TRAP1: variants seen among roughly 807,000 people sequenced by gnomAD.
TRAP1 encodes the protein heat shock protein 75 kDa, mitochondrial.
Under a neutral mutation model 89.1 loss-of-function variants are expected in TRAP1, and 102 were observed. That is an observed-to-expected ratio of 1.15 (90% CI 0.98 to 1.35). The LOEUF (loss-of-function observed/expected upper bound fraction) is 1.35, where lower values mean the gene tolerates loss of function less well. TRAP1 is among the 40% of genes most tolerant of loss of function. The pLI is 0.00. For synonymous variants in TRAP1, 508 were observed against 388.0 expected (o/e 1.31, Z -3.64); for missense variants, 1,256 against 945.3 (o/e 1.33, Z -4.31).
At position 3,714,095 on chromosome 16, in the gene TRAP1, G is replaced by T. The variant is rs555149355; in HGVS notation, c.88+3326C>A. On this transcript the variant is annotated intron_variant, in intron 1 of 17. Transcript: ENST00000246957. The stretch of plus-strand genomic sequence containing the variant: ...GGAACGTTCCTCCCTCCCCTCCAGT[G>T]AAAACAGCCTTGGACACTCGGCCCA... Among the ~76,000 whole-genome samples, 51 of 152,232 alleles carry T rather than the reference G, an allele frequency of 3.4e-4. 1 individual carries two copies. The highest frequency in any genetic ancestry group is 1.1e-3 in the African/African-American group (44 of 41,530).
intron 1 of TRAP1, among the ~76,000 whole-genome samples, chr16:3,716,132 C>T (rs1001990403): frequency 5.3e-5 from 8 of 152,184 alleles, no homozygotes; most frequent in Admixed American, 2.0e-4. Context: ...GGATTACAGG[C>T]GTGAGCCACC....
chr16:3,708,885 G>C (rs956482240), intron 1 of TRAP1, among the ~76,000 whole-genome samples: 1 of 148,748 alleles, frequency 6.7e-6, no homozygotes, highest in East Asian at 2.1e-4. Context: ...GTGCGATCGC[G>C]GCTCACTGCA....
At chr16:3,706,456 CT>C (rs34658116) in intron 1 of TRAP1, among the ~76,000 whole-genome samples, 6,120 of 98,928 alleles carry the variant, frequency 0.062, 131 homozygotes, top group Middle Eastern at 0.12. Context: ...TATTTGCACT[CT>C]TTTTTTTTTT....
intron 1 of TRAP1, among the ~76,000 whole-genome samples, chr16:3,700,965 A>G (rs1166186000): frequency 6.6e-6 from 1 of 152,196 alleles, no homozygotes; most frequent in Non-Finnish European, 1.5e-5. Context: ...CCACATCGAT[A>G]TTTACTCTTA....
chr16:3,680,715 G>A (rs1322553466), intron 4 of TRAP1, among the ~76,000 whole-genome samples: 1 of 152,232 alleles, frequency 6.6e-6, no homozygotes, highest in Admixed American at 6.5e-5. Context: ...GATGGCACTG[G>A]GAGGGGGGCC....
intron 13 of TRAP1, 85 bp from the exon 14 acceptor site, chr16:3,663,647 G>C: frequency 1.3e-6 from 2 of 1,569,894 alleles, no homozygotes; most frequent in Non-Finnish European, 8.6e-7. Flanking sequence ...AGGAGGGCTG[G>C]GGGAGCCAAG....
rs760456963 is a variant in TRAP1, at chr16:3,666,122, C to T, written c.1236-4G>A. The T allele has an allele frequency of 1.2e-6, 2 of 1,608,994 alleles. No individual in the cohort carries two copies. The highest frequency in any genetic ancestry group is 4.5e-5 in the East Asian group (2 of 44,782). ...CTGTAAAACGTCCCGGAGTTTCCTA[C>T]AGAAAAGAAATGCATTTAATACATA... On this transcript the variant is annotated splice_region_variant and splice_polypyrimidine_tract_variant and intron_variant, in intron 11 of 17. Coordinates refer to ENST00000246957, the MANE Select transcript of TRAP1 (RefSeq NM_016292.3).
chr16:3,666,262 C>G, intron 11 of TRAP1, 144 bp from the exon 12 acceptor site: 1 of 1,113,426 alleles, frequency 9.0e-7, no homozygotes, highest in East Asian at 2.7e-5. Flanking sequence ...CTGAAAAAGA[C>G]TGAGCAGAAA....
Position 3,683,104 on chromosome 16 carries a change from G to C in TRAP1, c.471+2892C>G, listed in dbSNP as rs527467508. On this transcript the variant is annotated intron_variant, in intron 4 of 17. Transcript: ENST00000246957. ...GAATTGCTTGAACCCGGGAGGCGGAGGTTGCAGTGAGCTGAAATCACACCA... is the reference window on the plus strand; with the variant it reads ...GAATTGCTTGAACCCGGGAGGCGGACGTTGCAGTGAGCTGAAATCACACCA... 3.9e-5 allele frequency among the ~76,000 whole-genome samples: 6 copies of C among 151,998 alleles called. No homozygotes were observed. In the South Asian group the frequency reaches 1.0e-3, roughly 26 times the overall value.
intron 1 of TRAP1, among the ~76,000 whole-genome samples, chr16:3,706,712 TG>T (rs1567245819): frequency 6.6e-6 from 1 of 152,064 alleles, no homozygotes; most frequent in Non-Finnish European, 1.5e-5. Context: ...CCTCCTGCCT[TG>T]GCCTCCTGAA....
intron 11 of TRAP1, 85 bp downstream of exon 11, chr16:3,671,637 G>A: frequency 6.8e-7 from 1 of 1,460,336 alleles, no homozygotes; most frequent in Middle Eastern, 1.9e-4. Context: ...AGCTCCATGG[G>A]CCACGGCTAG....
intron 16 of TRAP1, chr16:3,659,138 G>C (rs900897270): frequency 2.8e-5 from 10 of 359,754 alleles, no homozygotes; most frequent in African/African-American, 1.9e-4. Context: ...AGTACGTGAA[G>C]ACATGCCTTG....
chr16:3,709,611 T>G (rs1819066257), intron 1 of TRAP1, among the ~76,000 whole-genome samples: 1 of 152,030 alleles, frequency 6.6e-6, no homozygotes, highest in South Asian at 2.1e-4. Context: ...GTACGGAAGA[T>G]TACACACGGT....
intron 1 of TRAP1, among the ~76,000 whole-genome samples, chr16:3,708,456 G>A (rs1164716180): frequency 6.6e-6 from 1 of 152,030 alleles, no homozygotes; most frequent in African/African-American, 2.4e-5. Context: ...GATCAACATG[G>A]TGAAATTCCA....
chr16:3,670,431 T>C (rs945032704), intron 11 of TRAP1, among the ~76,000 whole-genome samples: 10 of 135,206 alleles, frequency 7.4e-5, no homozygotes, highest in Non-Finnish European at 3.1e-5. Context: ...CCAGGTGCAG[T>C]GGCTCATGCC....
intron 1 of TRAP1, among the ~76,000 whole-genome samples, chr16:3,709,598 A>G (rs1277115376): frequency 2.0e-5 from 3 of 152,160 alleles, no homozygotes; most frequent in Non-Finnish European, 4.4e-5. Flanking sequence ...TGGAAAATGC[A>G]AGGTACGGAA....
intron 1 of TRAP1, among the ~76,000 whole-genome samples, chr16:3,696,378 G>A (rs553572255): frequency 1.3e-5 from 2 of 152,134 alleles, no homozygotes; most frequent in African/African-American, 2.4e-5. Flanking sequence ...GCAAAATAAC[G>A]AACGACAATA....
chr16:3,714,856 AAAG>A (rs1244228141), intron 1 of TRAP1, among the ~76,000 whole-genome samples: 1 of 152,210 alleles, frequency 6.6e-6, no homozygotes, highest in Non-Finnish European at 1.5e-5. Flanking sequence ...TTTCCCAAGA[AAAG>A]AAAAAAATTT....
At chr16:3,675,488 T>C in intron 7 of TRAP1, 91 bp from the exon 8 acceptor site, 6 of 1,271,272 alleles carry the variant, frequency 4.7e-6, no homozygotes, top group Non-Finnish European at 6.8e-6. Context: ...GCCAGCCTGC[T>C]GGGAAGGGTC....
Sources: allele counts gnomAD v4.1 joint callset (sites outside exome capture counted in the v4.1 genomes callset), GRCh38; gene constraint gnomAD v4.1.1; transcripts MANE v1.5; gene names NCBI Gene and HGNC (gene_info 2026-07-23, HGNC 2026-07-21).